The following GRIP1 variants were observed in gnomAD, a reference collection of about 807,000 sequenced individuals.
GRIP1 encodes the protein glutamate receptor-interacting protein 1.
A neutral mutation model predicts 129.9 loss-of-function variants in GRIP1; 45 were observed. The ratio of observed to expected loss-of-function variants is 0.35; its 90% CI spans 0.27 to 0.44. GRIP1 has a LOEUF of 0.44. Ranked by LOEUF, GRIP1 falls within the 20% of genes least tolerant of loss-of-function variation. The pLI is 1.00. For missense variants in GRIP1, 1,196 were observed against 1,396.8 expected (o/e 0.86, Z 2.29); for synonymous variants, 530 against 520.8 (o/e 1.02, Z -0.24).
At chr12:66,478,109 A>C (rs566010812) in intron 7 of GRIP1, among the ~76,000 whole-genome samples, 1 of 152,356 alleles carries the variant, frequency 6.6e-6, no homozygotes, top group East Asian at 1.9e-4. Context: ...GAATAGGAGA[A>C]AATTTTTGCA....
intron 23 of GRIP1, among the ~76,000 whole-genome samples, chr12:66,357,120 G>A (rs1037884966): frequency 2.0e-5 from 3 of 152,154 alleles, no homozygotes; most frequent in Admixed American, 6.5e-5. Flanking sequence ...CAAGTGATCC[G>A]CCAGCCTTGG....
chr12:66,470,692 A>C (rs1486285523), intron 7 of GRIP1, among the ~76,000 whole-genome samples: 1 of 152,236 alleles, frequency 6.6e-6, no homozygotes, highest in East Asian at 1.9e-4. Context: ...TGTTTAAGTC[A>C]GGGTCCCAGC....
intron 2 of GRIP1, among the ~76,000 whole-genome samples, chr12:66,564,301 G>C (rs978853677): frequency 8.6e-5 from 10 of 116,204 alleles, no homozygotes; most frequent in African/African-American, 2.8e-4. Context: ...AACAGGCTCC[G>C]GTGTGTGATG....
intron 1 of GRIP1, among the ~76,000 whole-genome samples, chr12:66,754,720 A>C (rs899694423): frequency 2.0e-5 from 3 of 152,184 alleles, no homozygotes; most frequent in African/African-American, 7.2e-5. Context: ...AGCCAAAATC[A>C]GCCTGAGGAA....
chr12:66,793,540 G>A (rs4913499), intron 1 of GRIP1, among the ~76,000 whole-genome samples: 36,057 of 152,160 alleles, frequency 0.24, 5,026 homozygotes, highest in South Asian at 0.35. Context: ...TTGAATGAAC[G>A]TACTGAGAAG....
chr12:66,564,460 C>T (rs1006830972), intron 2 of GRIP1, among the ~76,000 whole-genome samples: 39 of 152,020 alleles, frequency 2.6e-4, no homozygotes, highest in Admixed American at 4.6e-4. Flanking sequence ...ATTAACTCAT[C>T]GTTTTTTATG....
rs113191908 is a variant in GRIP1, at chr12:66,399,066, A to T, written c.1985-4714T>A. ...CCCAGGCTGAGATCTCCAGAAGAGT[A>T]TTGCGAGTCAGCTTCCCTGCTATGC... On this transcript the variant is annotated intron_variant, in intron 16 of 24. Coordinates refer to ENST00000359742, the MANE Select transcript of GRIP1 (RefSeq NM_001366722.1). Among the ~76,000 whole-genome samples the T allele has an allele frequency of 3.5e-3, 538 of 152,056 alleles. 11 individuals are homozygous for T. The highest frequency in any genetic ancestry group is 0.012 in the African/African-American group (490 of 41,312).
chr12:66,755,085 G>A (rs2037244942), intron 1 of GRIP1, among the ~76,000 whole-genome samples: 2 of 151,748 alleles, frequency 1.3e-5, no homozygotes, highest in Admixed American at 1.3e-4. Context: ...AAAGAAAGTG[G>A]GCCAAAATAA....
intron 1 of GRIP1, among the ~76,000 whole-genome samples, chr12:67,053,667 C>G (rs931278138): frequency 6.6e-6 from 1 of 151,546 alleles, no homozygotes; most frequent in Non-Finnish European, 1.5e-5. Context: ...CTCATCTCTA[C>G]TAACAAAAAA....
intron 1 of GRIP1, among the ~76,000 whole-genome samples, chr12:66,980,939 A>G (rs2042234514): frequency 6.6e-6 from 1 of 152,228 alleles, no homozygotes; most frequent in African/African-American, 2.4e-5. Flanking sequence ...CCAAATTACC[A>G]CTAGACAACT....
chr12:66,606,852 G>A (rs1223778595), intron 1 of GRIP1, among the ~76,000 whole-genome samples: 1 of 152,022 alleles, frequency 6.6e-6, no homozygotes, highest in Non-Finnish European at 1.5e-5. Context: ...TGAAGTATGG[G>A]GATACAGAGG....
In GRIP1 at chr12:66,986,379, G is replaced by T. The variant is rs901003847; in HGVS notation, c.58+82671C>A. Among the ~76,000 whole-genome samples the T allele has an allele frequency of 2.0e-5, 3 of 151,608 alleles. No individual in the cohort carries two copies. The East Asian group carries it at 5.8e-4, about 29-fold the overall frequency. On this transcript the variant is annotated intron_variant, in intron 1 of 1. Transcript: ENST00000643019. ...TGCTGCTATAAAGACACATGCACAC[G>T]TATGTTTATTGAGGCACTATTCACA...
At position 66,437,468 on chromosome 12, in the gene GRIP1, T is replaced by A. The variant is rs181274535; in HGVS notation, c.1688-4840A>T. Among the ~76,000 whole-genome samples, 29 of 152,328 alleles carry A rather than the reference T, an allele frequency of 1.9e-4. No homozygotes were observed. The East Asian group carries it at 5.4e-3, about 28-fold the overall frequency. Reference sequence around the variant, plus strand: ...CTTGCCCTATTCTGTATTATTGCCATCTATTTGAAGTGGGTTACTTTCTGG... The same window carrying A: ...CTTGCCCTATTCTGTATTATTGCCAACTATTTGAAGTGGGTTACTTTCTGG... On this transcript the variant is annotated intron_variant, in intron 13 of 24. Transcript: ENST00000359742.
chr12:66,689,323 A>G (rs75524584), intron 1 of GRIP1, among the ~76,000 whole-genome samples: 8,282 of 152,212 alleles, frequency 0.054, 243 homozygotes, highest in Middle Eastern at 0.082. Context: ...GGGGGAGCCG[A>G]AGTCCAGGAA....
At chr12:66,512,468 G>C (rs2060727231) in intron 7 of GRIP1, among the ~76,000 whole-genome samples, 1 of 152,008 alleles carries the variant, frequency 6.6e-6, no homozygotes, top group South Asian at 2.1e-4. Context: ...TGAAATTGTT[G>C]TATCTATTTA....
intron 1 of GRIP1, among the ~76,000 whole-genome samples, chr12:66,636,715 CTG>C (rs113361426): frequency 0.056 from 8,121 of 145,052 alleles, 309 homozygotes; most frequent in Admixed American, 0.11. Context: ...CATTAGATCT[CTG>C]TGTGTGTGTG....
intron 1 of GRIP1, among the ~76,000 whole-genome samples, chr12:66,824,961 A>G (rs2039384297): frequency 6.6e-6 from 1 of 152,118 alleles, no homozygotes; most frequent in Non-Finnish European, 1.5e-5. Flanking sequence ...TTTTTTCCCC[A>G]AAGCCCTCTC....
At chr12:66,814,993 C>T (rs555529122) in intron 1 of GRIP1, among the ~76,000 whole-genome samples, 6 of 152,164 alleles carry the variant, frequency 3.9e-5, no homozygotes, top group Admixed American at 6.5e-5. Context: ...CCTGGTCCTG[C>T]GGTTGACAAA....
intron 1 of GRIP1, among the ~76,000 whole-genome samples, chr12:66,888,418 G>A (rs1216864986): frequency 6.6e-6 from 1 of 152,160 alleles, no homozygotes; most frequent in Non-Finnish European, 1.5e-5. Context: ...GGAGTACAGT[G>A]GCGCGATCTC....
Sources: allele counts gnomAD v4.1 joint callset (sites outside exome capture counted in the v4.1 genomes callset), GRCh38; gene constraint gnomAD v4.1.1; transcripts MANE v1.5; gene names NCBI Gene and HGNC (gene_info 2026-07-23, HGNC 2026-07-21).